PRDM15: variants seen among roughly 807,000 people sequenced by gnomAD.
PRDM15 encodes the protein PR domain zinc finger protein 15.
A neutral mutation model predicts 128.6 loss-of-function variants in PRDM15; 64 were observed. The observed-to-expected ratio is 0.50, with a 90% CI of 0.41 to 0.61. The LOEUF (loss-of-function observed/expected upper bound fraction) is 0.61, where lower values mean the gene tolerates loss of function less well. PRDM15 is among the 20% of genes least tolerant of loss of function. The pLI is 0.00. For missense variants in PRDM15, 1,242 were observed against 1,569.1 expected, an observed-to-expected ratio of 0.79 and a Z score of 3.52; for synonymous variants, 615 against 621.8, an observed-to-expected ratio of 0.99 and a Z score of 0.16.
chr21:41,828,533 G>A lies in PRDM15; in HGVS notation c.1367-200C>T, dbSNP rs2062552733. 6.6e-6 allele frequency among the ~76,000 whole-genome samples: 1 copy of A among 151,792 alleles called. No homozygotes were observed. Among genetic ancestry groups the A allele is most frequent in the Non-Finnish European group, 1.5e-5 (1 of 67,962 alleles). ...TCACGATGCAGAGACGGGAACCCCG[G>A]TGCTTGAAAAGCAGACACGGAGCTC... On this transcript the variant is annotated intron_variant, in intron 11 of 23. Coordinates refer to ENST00000398548, the MANE Select transcript of PRDM15 (RefSeq NM_001040424.3). The surrounding 1 kb of genome is among the most constrained non-coding windows in gnomAD (Gnocchi z 5.7).
intron 1 of PRDM15, among the ~76,000 whole-genome samples, chr21:41,870,234 AAT>A (rs1316651871): frequency 2.6e-5 from 4 of 152,240 alleles, no homozygotes; most frequent in African/African-American, 9.6e-5. Flanking sequence ...AACATCTATT[AAT>A]ATAAACAAAG....
Position 41,821,592 on chromosome 21 carries a change from A to C in PRDM15, c.1896+311T>G, listed in dbSNP as rs1368861947. On this transcript the variant is annotated intron_variant, in intron 15 of 23. Transcript: ENST00000398548. This position sits in a 1 kb window ranked among gnomAD's most constrained non-coding sequence, Gnocchi z 5.4. ...AGGCGCCCCAGCCTGCAGCCAGCAC[A>C]GCCACCTTCTAGGAGGCCGACCCCC... is the stretch of plus-strand genomic sequence containing the variant. Among the ~76,000 whole-genome samples the C allele has an allele frequency of 1.3e-5, 2 of 152,148 alleles. No individual in the cohort carries two copies. The highest frequency in any genetic ancestry group is 2.9e-5 in the Non-Finnish European group (2 of 67,992).
chr21:41,829,294 A>G (rs2062599729), intron 11 of PRDM15, among the ~76,000 whole-genome samples: 1 of 150,908 alleles, frequency 6.6e-6, no homozygotes. Context: ...ACAAATACAC[A>G]ATCACATACC....
chr21:41,806,476 C>CCA (rs2061645122), intron 21 of PRDM15, among the ~76,000 whole-genome samples: 1 of 81,194 alleles, frequency 1.2e-5, no homozygotes, highest in East Asian at 5.2e-4. Context: ...ACCAGCACCA[C>CCA]CCATTACTAC....
At chr21:41,865,322 C>G (rs142220826) in intron 1 of PRDM15, among the ~76,000 whole-genome samples, 1 of 152,202 alleles carries the variant, frequency 6.6e-6, no homozygotes, top group Non-Finnish European at 1.5e-5. Flanking sequence ...TTCACAGCAC[C>G]GTCACCCGTG....
intron 13 of PRDM15, among the ~76,000 whole-genome samples, chr21:41,825,398 G>GC (rs78271837): frequency 0.61 from 93,059 of 152,116 alleles, 28,697 homozygotes; most frequent in Admixed American, 0.67. Flanking sequence ...TGCCAGGATG[G>GC]CCCCCTCACC....
intron 11 of PRDM15, among the ~76,000 whole-genome samples, 199 bp downstream of exon 11, chr21:41,835,238 T>G (rs894051330): frequency 1.3e-5 from 2 of 152,152 alleles, no homozygotes; most frequent in African/African-American, 4.8e-5. Flanking sequence ...ATCAATCCCT[T>G]TTTACTGGAA....
At chr21:41,808,044 T>C (rs879517577) in intron 21 of PRDM15, among the ~76,000 whole-genome samples, 13 of 152,142 alleles carry the variant, frequency 8.5e-5, no homozygotes, top group Non-Finnish European at 1.9e-4. Context: ...CAGTAAGGCC[T>C]CTCCACCCAG....
Position 41,836,449 on chromosome 21 carries a change from C to G in PRDM15, c.1183+19G>C, listed in dbSNP as rs765406130. 6.3e-6 allele frequency: 10 copies of G among 1,598,574 alleles called. No individual in the cohort carries two copies. In the South Asian group the frequency reaches 1.1e-4, roughly 18 times the overall value. ...TCCTGGCCCTGGCCCCGGGCGCCAG[C>G]CGGGCCTCGCGGACTCACCATGCGA... is the stretch of plus-strand genomic sequence containing the variant. On this transcript the variant is annotated intron_variant, in intron 9 of 23. Coordinates refer to ENST00000398548, the MANE Select transcript of PRDM15 (RefSeq NM_001040424.3).
chr21:41,859,524 C>T lies in PRDM15; in HGVS notation c.131+68G>A. On this transcript the variant is annotated intron_variant, in intron 3 of 23. Transcript: ENST00000398548. The surrounding 1 kb of genome is among the most constrained non-coding windows in gnomAD (Gnocchi z 5.3). ...GGCTCCTTCCTCCCCGTCTGCAGAC[C>T]CAAAGGCCACTAGGCTCCTGCCGCA... 2 of 1,332,536 alleles carry T rather than the reference C, an allele frequency of 1.5e-6. No homozygotes were observed. The highest frequency in any genetic ancestry group is 1.8e-4 in the Middle Eastern group (1 of 5,430). The allele number at this position is 1,332,536 out of a possible 1,614,324, so 82.5% of individuals were successfully genotyped here. A position where few individuals can be genotyped will look rare whatever the true frequency, so the allele number is the denominator to read the frequency against.
intron 18 of PRDM15, among the ~76,000 whole-genome samples, 180 bp downstream of exon 18, chr21:41,819,402 C>A (rs79284094): frequency 6.6e-6 from 1 of 151,300 alleles, no homozygotes; most frequent in Non-Finnish European, 1.5e-5. Flanking sequence ...CCTGGCTGAG[C>A]CTGGCCCGTG....
Position 41,838,053 on chromosome 21 carries a change from T to C in PRDM15, c.882A>G (p.Ala294=). The change falls in exon 8 of 24, where the codon GCA becomes GCG. Residue 294 remains alanine (A), a synonymous_variant. Transcript: ENST00000398548. Reference sequence around the variant, plus strand: ...CCGGAGGGACCTCGGTAATGATCTCTGCCACTTGCTCTGTACGAAGGGGAT... The same window carrying C: ...CCGGAGGGACCTCGGTAATGATCTCCGCCACTTGCTCTGTACGAAGGGGAT... ...VEDKEPTEQV[A]EIITEVPPDE... 3 of 1,614,052 alleles carry C rather than the reference T, an allele frequency of 1.9e-6. No individual in the cohort carries two copies. Among genetic ancestry groups the C allele is most frequent in the Non-Finnish European group, 1.7e-6 (2 of 1,179,998 alleles).
In PRDM15 at chr21:41,859,234, A is replaced by C. The variant is rs2063736401; in HGVS notation, c.131+358T>G. 6.2e-7 allele frequency: 1 copy of C among 1,613,058 alleles called. No individual in the cohort carries two copies. The highest frequency in any genetic ancestry group is 1.7e-5 in the Admixed American group (1 of 59,950). ...GTCCGCTGGCAGGCCAAGACCTGGA[A>C]TGCAGAGAGAAGCCAACGAGCAGAC... On this transcript the variant is annotated intron_variant, in intron 3 of 23. Transcript: ENST00000398548. The surrounding 1 kb of genome is among the most constrained non-coding windows in gnomAD (Gnocchi z 5.3).
Position 41,836,129 on chromosome 21 carries a change from T to A in PRDM15, c.1262A>T (p.Lys421Met). ...KESLKQHVSY[K>M]HSRNEVDGEY... is the part of the protein sequence containing the mutation. Reference sequence around the variant, plus strand: ...TCCACCCACCTCGTTCCTGCTGTGCTTGTAGGAAACGTGCTGCTTTAGGCT... The same window carrying A: ...TCCACCCACCTCGTTCCTGCTGTGCATGTAGGAAACGTGCTGCTTTAGGCT... Residue 421 changes from lysine (K) to methionine (M), a missense_variant, in exon 10 of 24, where the codon AAG (lysine) becomes ATG (methionine). Coordinates refer to ENST00000398548, the MANE Select transcript of PRDM15 (RefSeq NM_001040424.3). 1 of 1,613,858 alleles carries A rather than the reference T, an allele frequency of 6.2e-7. No individual in the cohort carries two copies. Among genetic ancestry groups the A allele is most frequent in the Non-Finnish European group, 8.5e-7 (1 of 1,179,860 alleles).
At chr21:41,873,949 G>C (rs1295975973) in intron 1 of PRDM15, among the ~76,000 whole-genome samples, 3 of 152,016 alleles carry the variant, frequency 2.0e-5, no homozygotes, top group African/African-American at 4.8e-5. Context: ...GGGAGGCTGA[G>C]GTGGGAAGAT....
chr21:41,853,966 C>T (rs2063502867), intron 5 of PRDM15, among the ~76,000 whole-genome samples: 1 of 152,224 alleles, frequency 6.6e-6, no homozygotes, highest in African/African-American at 2.4e-5. Context: ...GCTAGTACCC[C>T]AGCCTCATAG....
Position 41,810,511 on chromosome 21 carries a change from G to C in PRDM15, c.2477-182C>G. ...ATGAGCACAGAGCCTCTGTCCCTTG[G>C]GGAGCACTGCCAGCAGCAGCTGCAT... On this transcript the variant is annotated intron_variant, in intron 20 of 23. Transcript: ENST00000398548. This position sits in a 1 kb window ranked among gnomAD's most constrained non-coding sequence, Gnocchi z 6.4. 1.5e-6 allele frequency: 1 copy of C among 677,224 alleles called. No homozygotes were observed. Among genetic ancestry groups the C allele is most frequent in the Non-Finnish European group, 2.5e-6 (1 of 403,354 alleles). The allele number at this position is 677,224 out of a possible 1,614,324, so 42.0% of individuals were successfully genotyped here. A position where few individuals can be genotyped will look rare whatever the true frequency, so the allele number is the denominator to read the frequency against.
rs764219843 is a variant in PRDM15, at chr21:41,821,209, C to G, written c.1918G>C (p.Glu640Gln). 1.2e-6 allele frequency: 2 copies of G among 1,614,190 alleles called. No individual in the cohort carries two copies. Among genetic ancestry groups the G allele is most frequent in the Non-Finnish European group, 1.7e-6 (2 of 1,180,038 alleles). ...RCQLTFGRGK[E>Q]YLKHIMEVHK... is the part of the protein sequence containing the mutation. Reference sequence around the variant, plus strand: ...ACCTCCATGATGTGCTTCAGGTACTCCTTCCCCCGGCCGAAGGTGAGCTGC... The same window carrying G: ...ACCTCCATGATGTGCTTCAGGTACTGCTTCCCCCGGCCGAAGGTGAGCTGC... Residue 640 changes from glutamate (E) to glutamine (Q), a missense_variant, in exon 16 of 24, where the codon GAG (glutamate) becomes CAG (glutamine). This residue lies in a region of PRDM15 where 602 missense variants were observed against 788.3 expected (regional missense o/e 0.76). Coordinates refer to ENST00000398548, the MANE Select transcript of PRDM15 (RefSeq NM_001040424.3). This position sits in a 1 kb window ranked among gnomAD's most constrained non-coding sequence, Gnocchi z 5.4.
At chr21:41,816,382 T>C (rs1166348175) in intron 18 of PRDM15, among the ~76,000 whole-genome samples, 1 of 152,170 alleles carries the variant, frequency 6.6e-6, no homozygotes, top group Non-Finnish European at 1.5e-5. Flanking sequence ...GGGACAGCAC[T>C]GTACAAGGCC....
Sources: gnomAD v4.1 joint callset for allele counts (sites outside exome capture counted in the v4.1 genomes callset) on GRCh38, gnomAD v4.1.1 for gene constraint, gnomAD v4.1.1 regional missense constraint, Gnocchi (gnomAD v3.1) non-coding constraint, MANE v1.5 for transcripts, NCBI Gene and HGNC (gene_info 2026-07-23, HGNC 2026-07-21) for gene names.